Variants in RCHY1 observed in about 807,000 individuals in gnomAD.
RCHY1 encodes ring finger and CHY zinc finger domain containing 1.
Under a neutral mutation model 41.6 loss-of-function variants are expected in RCHY1, and 21 were observed. That is an observed-to-expected ratio of 0.51 (90% CI 0.36 to 0.73). RCHY1 has a LOEUF of 0.73. Ranked by LOEUF, RCHY1 falls within the 30% of genes least tolerant of loss-of-function variation. RCHY1 has a pLI of 0.00. For missense variants in RCHY1, 265 were observed against 325.3 expected (o/e 0.81, Z 1.43); for synonymous variants, 79 against 102.9 (o/e 0.77, Z 1.41).
At chr4:75,500,430 G>T (rs1425169865) in intron 3 of RCHY1, among the ~76,000 whole-genome samples, 1 of 152,122 alleles carries the variant, frequency 6.6e-6, no homozygotes, top group Non-Finnish European at 1.5e-5. Context: ...ATTAAGACCA[G>T]ATGTTTGCCC....
chr4:75,491,856 A>C (rs772909394), intron 5 of RCHY1, 33 bp downstream of exon 5: 10 of 1,604,564 alleles, frequency 6.2e-6, no homozygotes, highest in Non-Finnish European at 8.5e-6. Flanking sequence ...TCAAGAGCTG[A>C]GACTTCCAAA....
chr4:75,508,364 C>A (rs1184997061), intron 3 of RCHY1, among the ~76,000 whole-genome samples: 1 of 152,038 alleles, frequency 6.6e-6, no homozygotes, highest in African/African-American at 2.4e-5. Context: ...AGTAGCTTGT[C>A]TGTGGTTAGG....
intron 3 of RCHY1, among the ~76,000 whole-genome samples, chr4:75,508,611 T>C (rs1327053138): frequency 1.3e-5 from 2 of 152,138 alleles, no homozygotes; most frequent in Non-Finnish European, 2.9e-5. Context: ...TAACAAATTA[T>C]GAATAAACTT....
At chr4:75,514,598 G>C, upstream of RCHY1, 3 of 268,994 alleles carry the variant, frequency 1.1e-5, no homozygotes, top group South Asian at 3.1e-4. Context: ...CGCGAGGTTG[G>C]CGGCAGCGGC....
intron 8 of RCHY1, among the ~76,000 whole-genome samples, chr4:75,485,494 G>A (rs1032202233): frequency 6.6e-6 from 1 of 152,134 alleles, no homozygotes; most frequent in Non-Finnish European, 1.5e-5. Flanking sequence ...TATATAGTAA[G>A]TCATACCTTT....
intron 3 of RCHY1, among the ~76,000 whole-genome samples, chr4:75,507,855 G>A (rs1016918337): frequency 2.0e-5 from 3 of 152,058 alleles, no homozygotes; most frequent in African/African-American, 4.8e-5. Flanking sequence ...TATACTATAT[G>A]ATTCCATTCA....
chr4:75,482,278 T>C lies in RCHY1; in HGVS notation c.*260A>G. The C allele has an allele frequency of 4.0e-6, 1 of 249,684 alleles. No individual in the cohort carries two copies. Among genetic ancestry groups the C allele is most frequent in the Non-Finnish European group, 7.6e-6 (1 of 132,210 alleles). 15.5% of individuals were successfully genotyped at this position (249,684 alleles called of 1,614,324 possible). A position where few individuals can be genotyped will look rare whatever the true frequency, so the allele number is the denominator to read the frequency against. On this transcript the variant is annotated 3_prime_UTR_variant, in exon 9 of 9. Coordinates refer to ENST00000324439, the MANE Select transcript of RCHY1 (RefSeq NM_015436.4). ...TCTATGAATGTATCAGTGGCAAACA[T>C]CATTGGCTTCCAAAAAACTGACACT...
rs149224296 is a variant in RCHY1 at position 75,499,428 on chromosome 4, A to G, written c.327-5249T>C. Among the ~76,000 whole-genome samples the G allele has an allele frequency of 2.3e-3, 352 of 152,260 alleles. 1 individual carries two copies. Among genetic ancestry groups the G allele is most frequent in the African/African-American group, 8.0e-3 (333 of 41,564 alleles). ...GATCCAGCAAGTCCACTAAAAGTACATATCTAAGGGGAAATCAGTACCTCA... is the reference window on the plus strand; with the variant it reads ...GATCCAGCAAGTCCACTAAAAGTACGTATCTAAGGGGAAATCAGTACCTCA... On this transcript the variant is annotated intron_variant, in intron 3 of 8. Transcript: ENST00000324439.
chr4:75,487,667 CATAT>C (rs369006663), intron 8 of RCHY1, among the ~76,000 whole-genome samples: 1 of 38,456 alleles, frequency 2.6e-5, no homozygotes, highest in Non-Finnish European at 4.3e-5. Context: ...TATATATATT[CATAT>C]ATATTCATAA....
At position 75,479,140 on chromosome 4, in the gene RCHY1, T is replaced by C. The variant is rs1010228268; in HGVS notation, c.*3398A>G. 6.6e-6 allele frequency: 1 copy of C among 152,024 alleles called. No homozygotes were observed. Among genetic ancestry groups the C allele is most frequent in the Non-Finnish European group, 1.5e-5 (1 of 67,974 alleles). The allele number at this position is 152,024 out of a possible 1,614,324, so 9.4% of individuals were successfully genotyped here. On this transcript the variant is annotated 3_prime_UTR_variant, in exon 9 of 9. Coordinates refer to ENST00000324439, the MANE Select transcript of RCHY1 (RefSeq NM_015436.4). ...AATATTAAGAGTAGATTTTAAGTGG[T>C]TTTTTTACCACAAAAAATGGTATGA... is the stretch of plus-strand genomic sequence containing the variant.
chr4:75,501,669 T>C (rs1182653517), intron 3 of RCHY1, among the ~76,000 whole-genome samples: 2 of 152,252 alleles, frequency 1.3e-5, no homozygotes, highest in East Asian at 3.8e-4. Flanking sequence ...TGTTATTCTA[T>C]ACATTAAACA....
At chr4:75,496,916 C>T (rs1036523378) in intron 3 of RCHY1, among the ~76,000 whole-genome samples, 2 of 152,036 alleles carry the variant, frequency 1.3e-5, no homozygotes, top group African/African-American at 4.8e-5. Flanking sequence ...AGAACAGACA[C>T]AGATGTTAGA....
Position 75,491,768 on chromosome 4 carries a change from G to T in RCHY1, c.465C>A (p.Ser155=), listed in dbSNP as rs759702691. ...CPICLEDIHT[S]RVVAHVLPCG... ...ATGGCAAGACATGAGCAACAACACG[G>T]GATGTGTGAATGTCCTGTAAATGAA... The change falls in exon 6 of 9, where the codon TCC becomes TCA. Residue 155 remains serine (S), a synonymous_variant. Coordinates refer to ENST00000324439, the MANE Select transcript of RCHY1 (RefSeq NM_015436.4). 2.5e-6 allele frequency: 4 copies of T among 1,612,702 alleles called. No homozygotes were observed. The East Asian group carries it at 6.7e-5, about 27-fold the overall frequency.
intron 8 of RCHY1, among the ~76,000 whole-genome samples, chr4:75,485,571 T>C (rs1409611871): frequency 6.6e-6 from 1 of 152,178 alleles, no homozygotes; most frequent in African/African-American, 2.4e-5. Flanking sequence ...TTTGAGCAAA[T>C]GATGGTACAA....
Position 75,481,322 on chromosome 4 carries a change from T to C in RCHY1, c.*1216A>G, listed in dbSNP as rs1042307052. 27 of 152,254 alleles carry C rather than the reference T, an allele frequency of 1.8e-4. No homozygotes were observed. The highest frequency in any genetic ancestry group is 6.3e-4 in the African/African-American group (26 of 41,476). The allele number at this position is 152,254 out of a possible 1,614,324, so 9.4% of individuals were successfully genotyped here. A position where few individuals can be genotyped will look rare whatever the true frequency, so the allele number is the denominator to read the frequency against. On this transcript the variant is annotated 3_prime_UTR_variant, in exon 9 of 9. Coordinates refer to ENST00000324439, the MANE Select transcript of RCHY1 (RefSeq NM_015436.4). ...AATAGCTCAAAGTTGGAAATACAAC[T>C]GGTGCTCAATAGGTACTTATCAACT...
chr4:75,479,939 T>A lies in RCHY1; in HGVS notation c.*2599A>T, dbSNP rs1386352692. On this transcript the variant is annotated 3_prime_UTR_variant, in exon 9 of 9. Coordinates refer to ENST00000324439, the MANE Select transcript of RCHY1 (RefSeq NM_015436.4). Reference sequence around the variant, plus strand: ...GAAAGAAGGGATTGTTGAGAGTTTTTTACCTTCTTTCTTATAGAGGTATAA... The same window carrying A: ...GAAAGAAGGGATTGTTGAGAGTTTTATACCTTCTTTCTTATAGAGGTATAA... 3.3e-5 allele frequency: 5 copies of A among 152,204 alleles called. No homozygotes were observed. The allele number at this position is 152,204 out of a possible 1,614,324, so 9.4% of individuals were successfully genotyped here.
intron 8 of RCHY1, among the ~76,000 whole-genome samples, chr4:75,487,334 C>T (rs1392669121): frequency 1.3e-5 from 2 of 150,550 alleles, no homozygotes; most frequent in African/African-American, 2.4e-5. Flanking sequence ...TTTTGTCTCA[C>T]GCTGTCTCAG....
rs367829154 is a variant in RCHY1 at position 75,511,245 on chromosome 4, TAA to T, written c.91-1951_91-1950del. Among the ~76,000 whole-genome samples the T allele has an allele frequency of 5.9e-5, 9 of 152,310 alleles. 1 individual carries two copies. Among genetic ancestry groups the T allele is most frequent in the African/African-American group, 2.2e-4 (9 of 41,556 alleles). The stretch of plus-strand genomic sequence containing the variant: ...TGCAATATCAAAAAATCATATTCAT[TAA>T]AAGTCTTTAGGTATTGAAGAAAATC... On this transcript the variant is annotated intron_variant, in intron 1 of 8. Coordinates refer to ENST00000324439, the MANE Select transcript of RCHY1 (RefSeq NM_015436.4).
At chr4:75,483,250 C>T (rs1721674423) in intron 8 of RCHY1, among the ~76,000 whole-genome samples, 1 of 152,008 alleles carries the variant, frequency 6.6e-6, no homozygotes, top group African/African-American at 2.4e-5. Flanking sequence ...TAAGTAAGAA[C>T]CTGAAAAATA....
Sources: allele counts gnomAD v4.1 joint callset (sites outside exome capture counted in the v4.1 genomes callset), GRCh38; gene constraint gnomAD v4.1.1; transcripts MANE v1.5; gene names NCBI Gene and HGNC (gene_info 2026-07-23, HGNC 2026-07-21).